CTTNBP2NL: variants seen among roughly 807,000 people sequenced by gnomAD.
CTTNBP2NL encodes CTTNBP2 N-terminal-like protein.
In CTTNBP2NL, 16 loss-of-function variants were observed where a neutral mutation model predicts 32.5. The observed-to-expected ratio is 0.49, with a 90% CI of 0.33 to 0.75. CTTNBP2NL has a LOEUF of 0.75. CTTNBP2NL is among the 30% of genes least tolerant of loss of function. The pLI is 0.02. For synonymous variants in CTTNBP2NL, 298 were observed against 289.4 expected (o/e 1.03, Z -0.30); for missense variants, 645 against 756.0 (o/e 0.85, Z 1.72).
Position 112,460,645 on chromosome 1 carries a change from C to A in CTTNBP2NL, c.*3233C>A, listed in dbSNP as rs1358304572. On this transcript the variant is annotated 3_prime_UTR_variant, in exon 6 of 6. Coordinates refer to ENST00000271277, the MANE Select transcript of CTTNBP2NL (RefSeq NM_018704.3). The stretch of plus-strand genomic sequence containing the variant: ...AAAGCATAATCTTGTTCTGCTCTCT[C>A]ATTTTACAAATGATTAATGCATCCC... 1 of 152,210 alleles carries A rather than the reference C, an allele frequency of 6.6e-6. No individual in the cohort carries two copies. The highest frequency in any genetic ancestry group is 1.9e-4 in the East Asian group (1 of 5,198). The allele number at this position is 152,210 out of a possible 1,614,324, so 9.4% of individuals were successfully genotyped here.
chr1:112,394,413 T>C (rs907872480), upstream of CTTNBP2NL, among the ~76,000 whole-genome samples: 1 of 152,152 alleles, frequency 6.6e-6, no homozygotes, highest in Non-Finnish European at 1.5e-5. Flanking sequence ...CTTTGCCTGC[T>C]CCAGCACCTA....
chr1:112,409,614 G>GC (rs1238683003), intron 1 of CTTNBP2NL, among the ~76,000 whole-genome samples: 1 of 152,076 alleles, frequency 6.6e-6, no homozygotes. Context: ...ACCCTGCCCT[G>GC]CCCTGTCCTG....
At chr1:112,424,314 C>A (rs1649325909) in intron 3 of CTTNBP2NL, among the ~76,000 whole-genome samples, 1 of 152,044 alleles carries the variant, frequency 6.6e-6, no homozygotes, top group Non-Finnish European at 1.5e-5. Flanking sequence ...GTCTTTGCAC[C>A]TTTGTCAGTC....
chr1:112,417,457 A>C (rs1557887530), intron 3 of CTTNBP2NL, among the ~76,000 whole-genome samples: 1 of 152,170 alleles, frequency 6.6e-6, no homozygotes, highest in Admixed American at 6.5e-5. Context: ...TGCTTTTTGC[A>C]CATGTTTTCC....
At chr1:112,412,999 T>A (rs1648927682) in intron 2 of CTTNBP2NL, among the ~76,000 whole-genome samples, 1 of 152,188 alleles carries the variant, frequency 6.6e-6, no homozygotes, top group East Asian at 1.9e-4. Context: ...ACAGAGATAA[T>A]AAAAGAATTC....
chr1:112,454,510 A>G lies in CTTNBP2NL; in HGVS notation c.392A>G (p.Asp131Gly). 6.2e-7 allele frequency: 1 copy of G among 1,614,044 alleles called. No individual in the cohort carries two copies. The highest frequency in any genetic ancestry group is 8.5e-7 in the Non-Finnish European group (1 of 1,179,882). Residue 131 changes from aspartate to glycine, a missense_variant, in exon 5 of 6, where the codon GAT becomes GGT. Coordinates refer to ENST00000271277, the MANE Select transcript of CTTNBP2NL (RefSeq NM_018704.3). ...GCACAGGATACGGCTGAAGGAGATG[A>G]TGTCACCTACATGCTAGAGAAGGAA... The part of the protein sequence containing the change: ...RHAQDTAEGD[D>G]VTYMLEKERE...
intron 2 of CTTNBP2NL, among the ~76,000 whole-genome samples, chr1:112,415,533 GT>G (rs1649027699): frequency 6.7e-6 from 1 of 149,988 alleles, no homozygotes; most frequent in Admixed American, 6.7e-5. Flanking sequence ...TGAAAAATCA[GT>G]GGCTAATTCT....
At chr1:112,418,569 G>GA (rs564649881) in intron 3 of CTTNBP2NL, among the ~76,000 whole-genome samples, 208 of 145,224 alleles carry the variant, frequency 1.4e-3, no homozygotes, top group African/African-American at 3.7e-3. Flanking sequence ...AATCATGTCA[G>GA]AAAAAAAAAA....
At chr1:112,444,637 T>C (rs370658333) in intron 3 of CTTNBP2NL, among the ~76,000 whole-genome samples, 11 of 152,226 alleles carry the variant, frequency 7.2e-5, no homozygotes, top group Non-Finnish European at 1.5e-4. Flanking sequence ...TGTGTTGTTA[T>C]TGAATTAAAA....
intron 3 of CTTNBP2NL, among the ~76,000 whole-genome samples, chr1:112,430,661 C>G (rs192066815): frequency 9.5e-4 from 142 of 148,922 alleles, no homozygotes; most frequent in African/African-American, 3.2e-3. Context: ...TCAAGTGATT[C>G]TCCCGCCTCA....
intron 3 of CTTNBP2NL, among the ~76,000 whole-genome samples, chr1:112,434,433 C>A (rs988095151): frequency 2.0e-4 from 30 of 152,152 alleles, no homozygotes; most frequent in Non-Finnish European, 1.8e-4. Context: ...GGTGCTAAAA[C>A]CTGTTGGCTC....
chr1:112,422,450 C>T (rs181373073), intron 3 of CTTNBP2NL, among the ~76,000 whole-genome samples: 27 of 152,290 alleles, frequency 1.8e-4, no homozygotes, highest in African/African-American at 6.0e-4. Flanking sequence ...TTGCTGTGAA[C>T]ATTCATGTAC....
intron 3 of CTTNBP2NL, among the ~76,000 whole-genome samples, chr1:112,447,974 G>A (rs1488995273): frequency 6.6e-6 from 1 of 152,308 alleles, no homozygotes; most frequent in East Asian, 1.9e-4. Flanking sequence ...TAATGTACAT[G>A]TAATGTATGA....
intron 1 of CTTNBP2NL, among the ~76,000 whole-genome samples, chr1:112,407,619 T>C (rs1437861296): frequency 6.6e-6 from 1 of 152,192 alleles, no homozygotes; most frequent in Non-Finnish European, 1.5e-5. Flanking sequence ...GACTTCAACA[T>C]ATGAATTTTG....
chr1:112,412,277 T>A lies in CTTNBP2NL; in HGVS notation c.-50T>A, dbSNP rs1211136029. On this transcript the variant is annotated 5_prime_UTR_variant, in exon 2 of 6. Coordinates refer to ENST00000271277, the MANE Select transcript of CTTNBP2NL (RefSeq NM_018704.3). ...ATTTTTTACTGAAGAAAACTGTAAG[T>A]TTATACTTGAGGACTGAAGTGTGAC... is the stretch of plus-strand genomic sequence containing the variant. The A allele has an allele frequency of 1.3e-5, 2 of 152,192 alleles. No homozygotes were observed. The highest frequency in any genetic ancestry group is 4.8e-5 in the African/African-American group (2 of 41,446). 9.4% of individuals were successfully genotyped at this position (152,192 alleles called of 1,614,324 possible).
chr1:112,454,717 T>C (rs1039685751), intron 5 of CTTNBP2NL, among the ~76,000 whole-genome samples, 161 bp downstream of exon 5: 1 of 152,254 alleles, frequency 6.6e-6, no homozygotes, highest in Non-Finnish European at 1.5e-5. Context: ...TTTCTAACTT[T>C]GTTAGGATCT....
intron 1 of CTTNBP2NL, among the ~76,000 whole-genome samples, chr1:112,398,817 CAAA>C (rs3033224): frequency 1.8e-4 from 17 of 93,592 alleles, no homozygotes; most frequent in African/African-American, 5.1e-4. Context: ...TGTCTCTTAA[CAAA>C]AAAAAAAAAA....
In CTTNBP2NL at chr1:112,406,582, A is replaced by G. The variant is rs373472950; in HGVS notation, c.-133-5612A>G. ...AGCATATCACCTAAGGTTGTTGTGA[A>G]GACTGAATTAGTTAATACCTGTACA... is the stretch of plus-strand genomic sequence containing the variant. On this transcript the variant is annotated intron_variant, in intron 1 of 5. Coordinates refer to ENST00000271277, the MANE Select transcript of CTTNBP2NL (RefSeq NM_018704.3). Among the ~76,000 whole-genome samples the G allele has an allele frequency of 2.2e-4, 33 of 152,340 alleles. No individual in the cohort carries two copies. In the East Asian group the frequency reaches 5.2e-3, roughly 24 times the overall value.
intron 3 of CTTNBP2NL, among the ~76,000 whole-genome samples, chr1:112,434,299 T>A (rs2101018861): frequency 6.6e-6 from 1 of 152,278 alleles, no homozygotes; most frequent in Non-Finnish European, 1.5e-5. Flanking sequence ...CTCAGCATCC[T>A]TCCCTAAAAG....
Sources: gnomAD v4.1 joint callset for allele counts (sites outside exome capture counted in the v4.1 genomes callset) on GRCh38, gnomAD v4.1.1 for gene constraint, MANE v1.5 for transcripts, NCBI Gene and HGNC (gene_info 2026-07-23, HGNC 2026-07-21) for gene names.